BMPR1B: variants seen among roughly 807,000 people sequenced by gnomAD.
BMPR1B encodes bone morphogenetic protein receptor type-1B.
A neutral mutation model predicts 59.1 loss-of-function variants in BMPR1B; 12 were observed. The ratio of observed to expected loss-of-function variants is 0.20; its 90% CI spans 0.13 to 0.33. The LOEUF (loss-of-function observed/expected upper bound fraction) is 0.33, where lower values mean the gene tolerates loss of function less well. Among genes scored for constraint, BMPR1B ranks in the 10% least tolerant of loss-of-function variants. BMPR1B has a pLI of 1.00. For synonymous variants in BMPR1B, 237 were observed against 207.3 expected (o/e 1.14, Z -1.23); for missense variants, 550 against 610.9 (o/e 0.90, Z 1.05).
At chr4:94,905,355 A>G (rs957099386) in intron 2 of BMPR1B, among the ~76,000 whole-genome samples, 6 of 152,064 alleles carry the variant, frequency 3.9e-5, no homozygotes, top group Admixed American at 1.3e-4. Flanking sequence ...TTCTGTAGTG[A>G]AGACAACTGA....
chr4:94,803,748 C>T (rs983643461), intron 1 of BMPR1B, among the ~76,000 whole-genome samples: 3 of 152,080 alleles, frequency 2.0e-5, no homozygotes, highest in Non-Finnish European at 4.4e-5. Context: ...TTGAATATTT[C>T]TTCTTTCTTG....
chr4:94,895,609 C>T (rs1042222720), intron 2 of BMPR1B, among the ~76,000 whole-genome samples: 1 of 150,672 alleles, frequency 6.6e-6, no homozygotes, highest in African/African-American at 2.4e-5. Context: ...TAAATGTGAA[C>T]TTATGACACT....
At chr4:94,894,864 A>G (rs1311059506) in intron 2 of BMPR1B, among the ~76,000 whole-genome samples, 1 of 151,878 alleles carries the variant, frequency 6.6e-6, no homozygotes, top group Non-Finnish European at 1.5e-5. Context: ...TACTTCTTTA[A>G]ATGGCTGTAT....
At position 95,058,713 on chromosome 4, in the gene BMPR1B, C is replaced by T. The variant is rs543419494; in HGVS notation, c.-17-45695C>T. Among the ~76,000 whole-genome samples, 294 of 152,280 alleles carry T rather than the reference C, an allele frequency of 1.9e-3. 1 individual carries two copies. The highest frequency in any genetic ancestry group is 0.01 in the Middle Eastern group (3 of 292). On this transcript the variant is annotated intron_variant, in intron 3 of 12. Coordinates refer to ENST00000515059, the MANE Select transcript of BMPR1B (RefSeq NM_001203.3). ...CTGTTATTACATTTATAGAAATATT[C>T]ATTATCAAACTAAGTCTTTGCTAAA...
chr4:95,097,161 G>A (rs904302244), intron 3 of BMPR1B, among the ~76,000 whole-genome samples: 20 of 146,272 alleles, frequency 1.4e-4, no homozygotes, highest in Middle Eastern at 3.6e-3. Flanking sequence ...GTAACTATAC[G>A]TCACAAGCTA....
intron 2 of BMPR1B, among the ~76,000 whole-genome samples, chr4:94,908,893 A>G (rs1728170385): frequency 1.3e-5 from 2 of 152,100 alleles, no homozygotes; most frequent in Non-Finnish European, 2.9e-5. Flanking sequence ...GTAAGAAATT[A>G]CTACAAACTT....
intron 6 of BMPR1B, among the ~76,000 whole-genome samples, chr4:95,121,054 C>T (rs974203708): frequency 1.3e-5 from 2 of 152,162 alleles, no homozygotes; most frequent in Non-Finnish European, 2.9e-5. Flanking sequence ...GTGATCCGCC[C>T]ACCTTGGCTT....
At chr4:94,991,620 G>T (rs1297385873) in intron 2 of BMPR1B, among the ~76,000 whole-genome samples, 1 of 152,146 alleles carries the variant, frequency 6.6e-6, no homozygotes, top group Non-Finnish European at 1.5e-5. Context: ...ACTGGTCAGG[G>T]ACATTTAAGG....
Position 95,127,044 on chromosome 4 carries a change from C to CTGTG in BMPR1B, c.585+1947_585+1950dup, listed in dbSNP as rs6148578. Among the ~76,000 whole-genome samples, 545 of 146,464 alleles carry CTGTG rather than the reference C, an allele frequency of 3.7e-3. 3 individuals are homozygous for CTGTG. Among genetic ancestry groups the CTGTG allele is most frequent in the African/African-American group, 8.7e-3 (349 of 40,066 alleles). On this transcript the variant is annotated intron_variant, in intron 8 of 12. Transcript: ENST00000515059. ...CGTAGGGCTGTTGTAAGAATTAAGA[C>CTGTG]TGTGTGTGTGTGTGTGTGTGTGTGT... is the stretch of plus-strand genomic sequence containing the variant.
chr4:94,797,754 C>T (rs1238029970), intron 1 of BMPR1B, among the ~76,000 whole-genome samples: 1 of 152,102 alleles, frequency 6.6e-6, no homozygotes, highest in African/African-American at 2.4e-5. Context: ...TGGGGTGGAG[C>T]CCATGAATTT....
intron 1 of BMPR1B, among the ~76,000 whole-genome samples, chr4:94,789,120 G>A (rs1422613317): frequency 6.6e-6 from 1 of 152,160 alleles, no homozygotes; most frequent in Non-Finnish European, 1.5e-5. Flanking sequence ...GTAAGAGGAG[G>A]TTAACACATG....
intron 2 of BMPR1B, among the ~76,000 whole-genome samples, chr4:94,893,217 C>T (rs1727465455): frequency 6.6e-6 from 1 of 151,808 alleles, no homozygotes; most frequent in African/African-American, 2.4e-5. Context: ...GTCATAACAT[C>T]TGAAATAATA....
rs530872658 is a variant in BMPR1B, at chr4:94,941,015, G to A, written c.-112-55025G>A. Among the ~76,000 whole-genome samples, 36 of 152,236 alleles carry A rather than the reference G, an allele frequency of 2.4e-4. 2 individuals carry two copies. In the South Asian group the frequency reaches 6.0e-3, roughly 25 times the overall value. The stretch of plus-strand genomic sequence containing the variant: ...GAATATTTATTGGGAATTTCAATGA[G>A]GAAGGAATATTTTATTGTTTGGTAA... On this transcript the variant is annotated intron_variant, in intron 2 of 12. Coordinates refer to ENST00000515059, the MANE Select transcript of BMPR1B (RefSeq NM_001203.3).
chr4:94,983,775 A>T (rs1674502610), intron 2 of BMPR1B, among the ~76,000 whole-genome samples: 1 of 152,188 alleles, frequency 6.6e-6, no homozygotes, highest in Admixed American at 6.5e-5. Context: ...AGTCTCCAGG[A>T]AGCTTTATTT....
intron 2 of BMPR1B, among the ~76,000 whole-genome samples, chr4:94,896,322 T>C (rs1285812997): frequency 1.3e-5 from 2 of 152,038 alleles, no homozygotes; most frequent in Non-Finnish European, 2.9e-5. Flanking sequence ...ATGATCAAAG[T>C]ATCTGTTTCA....
intron 1 of BMPR1B, among the ~76,000 whole-genome samples, chr4:94,825,107 A>AAC (rs1268548563): frequency 2.0e-5 from 3 of 152,160 alleles, no homozygotes; most frequent in Non-Finnish European, 4.4e-5. Context: ...TTCCAGACTC[A>AAC]TGTTAAGTGT....
At chr4:95,118,598 CTT>C (rs966937708) in intron 6 of BMPR1B, among the ~76,000 whole-genome samples, 15 of 152,286 alleles carry the variant, frequency 9.8e-5, no homozygotes, top group African/African-American at 3.6e-4. Context: ...CTCAGTTCTA[CTT>C]CCCAGAGCAG....
intron 2 of BMPR1B, among the ~76,000 whole-genome samples, chr4:94,888,090 A>G (rs1313831320): frequency 6.6e-6 from 1 of 152,108 alleles, no homozygotes; most frequent in African/African-American, 2.4e-5. Flanking sequence ...TGTTATTGTT[A>G]TTATTTTTTA....
At chr4:94,903,309 G>A (rs1476499113) in intron 2 of BMPR1B, among the ~76,000 whole-genome samples, 1 of 151,820 alleles carries the variant, frequency 6.6e-6, no homozygotes, top group African/African-American at 2.4e-5. Context: ...GTTAAGTTTA[G>A]TATTCGATCA....
Sources: gnomAD v4.1 joint callset for allele counts (sites outside exome capture counted in the v4.1 genomes callset) on GRCh38, gnomAD v4.1.1 for gene constraint, MANE v1.5 for transcripts, NCBI Gene and HGNC (gene_info 2026-07-23, HGNC 2026-07-21) for gene names.